GPC6: variants seen among roughly 807,000 people sequenced by gnomAD.
GPC6 encodes glypican-6.
A neutral mutation model predicts 55.2 loss-of-function variants in GPC6; 14 were observed. The ratio of observed to expected loss-of-function variants is 0.25; its 90% CI spans 0.17 to 0.40. The LOEUF (loss-of-function observed/expected upper bound fraction) is 0.40, where lower values mean the gene tolerates loss of function less well. Among genes scored for constraint, GPC6 ranks in the 10% least tolerant of loss-of-function variants. The pLI is 1.00. For synonymous variants in GPC6, 278 were observed against 259.6 expected (o/e 1.07, Z -0.68); for missense variants, 641 against 708.5 (o/e 0.90, Z 1.08).
intron 2 of GPC6, among the ~76,000 whole-genome samples, chr13:93,590,351 A>G (rs1054902372): frequency 6.6e-6 from 1 of 152,122 alleles, no homozygotes; most frequent in Admixed American, 6.6e-5. Flanking sequence ...TCACCTAGAG[A>G]GTTTCCCATT....
At chr13:94,338,211 A>G (rs1242413161) in intron 6 of GPC6, among the ~76,000 whole-genome samples, 1 of 152,194 alleles carries the variant, frequency 6.6e-6, no homozygotes, top group Non-Finnish European at 1.5e-5. Flanking sequence ...CTAATTAGTC[A>G]ATTCCTAGTA....
At chr13:93,678,017 G>A (rs1420875728) in intron 2 of GPC6, among the ~76,000 whole-genome samples, 1 of 152,026 alleles carries the variant, frequency 6.6e-6, no homozygotes, top group Non-Finnish European at 1.5e-5. Flanking sequence ...CCCACCTATG[G>A]TCAAAAATTT....
intron 2 of GPC6, among the ~76,000 whole-genome samples, chr13:93,668,661 C>T (rs146073465): frequency 1.0e-3 from 153 of 152,206 alleles, no homozygotes; most frequent in African/African-American, 3.5e-3. Context: ...CAGCCACAGG[C>T]CAAGCAACCC....
intron 3 of GPC6, among the ~76,000 whole-genome samples, chr13:93,954,138 C>A (rs1879388906): frequency 6.6e-6 from 1 of 152,100 alleles, no homozygotes; most frequent in African/African-American, 2.4e-5. Flanking sequence ...GATCTTTCTT[C>A]TAAATGGAAT....
At chr13:94,062,278 G>A (rs1884358242) in intron 4 of GPC6, among the ~76,000 whole-genome samples, 1 of 151,612 alleles carries the variant, frequency 6.6e-6, no homozygotes, top group Non-Finnish European at 1.5e-5. Context: ...TTGAGACGGA[G>A]TCTTACTCTG....
Position 93,676,127 on chromosome 13 carries a change from ATATATATATATATAT to A in GPC6, c.319+130707_319+130721del, listed in dbSNP as rs1371887031. Among the ~76,000 whole-genome samples, 26 of 10,668 alleles carry A rather than the reference ATATATATATATATAT, an allele frequency of 2.4e-3. 1 individual carries two copies. The highest frequency in any genetic ancestry group is 4.5e-3 in the African/African-American group (24 of 5,324). The allele number at this position is 10,668 out of a possible 152,430, so 7.0% of individuals were successfully genotyped here. ...CTACTAAAAAAAAAAAAAAAAAAAA[ATATATATATATATAT>A]ATATATATATATATATATATATATA... On this transcript the variant is annotated intron_variant, in intron 2 of 8. Transcript: ENST00000377047.
intron 4 of GPC6, among the ~76,000 whole-genome samples, chr13:94,073,583 C>T (rs982135446): frequency 7.2e-5 from 11 of 152,050 alleles, no homozygotes; most frequent in Admixed American, 2.6e-4. Context: ...ACATGAACCT[C>T]GGGTTATAGA....
intron 4 of GPC6, among the ~76,000 whole-genome samples, chr13:94,185,604 G>T (rs1052852925): frequency 1.3e-5 from 2 of 151,600 alleles, no homozygotes; most frequent in African/African-American, 4.9e-5. Context: ...TTCAATATAG[G>T]AATAAAAAGA....
intron 4 of GPC6, among the ~76,000 whole-genome samples, chr13:94,265,529 T>C (rs1352828100): frequency 1.3e-5 from 2 of 152,162 alleles, no homozygotes; most frequent in African/African-American, 2.4e-5. Context: ...ACTCACATGT[T>C]AATATCTTTT....
At chr13:94,396,862 G>A (rs1393130868) in intron 7 of GPC6, among the ~76,000 whole-genome samples, 2 of 152,202 alleles carry the variant, frequency 1.3e-5, no homozygotes, top group Non-Finnish European at 2.9e-5. Context: ...GGGCTCCAGA[G>A]CTAGACTGGG....
At chr13:93,322,607 T>A (rs568141912) in intron 1 of GPC6, among the ~76,000 whole-genome samples, 1 of 151,564 alleles carries the variant, frequency 6.6e-6, no homozygotes, top group South Asian at 2.1e-4. Flanking sequence ...CAGCTAATTT[T>A]TTTTGTATTT....
intron 3 of GPC6, among the ~76,000 whole-genome samples, chr13:93,874,622 G>T (rs572999023): frequency 1.3e-5 from 2 of 149,222 alleles, no homozygotes. Flanking sequence ...GAGCCCTACC[G>T]TAACTCTATA....
intron 4 of GPC6, among the ~76,000 whole-genome samples, chr13:94,196,117 A>G (rs1273692095): frequency 1.3e-5 from 2 of 152,080 alleles, no homozygotes; most frequent in African/African-American, 4.8e-5. Flanking sequence ...CTAGTGAAAT[A>G]GATTTTGTCA....
At chr13:93,879,649 C>G (rs1874831302) in intron 3 of GPC6, among the ~76,000 whole-genome samples, 1 of 150,878 alleles carries the variant, frequency 6.6e-6, no homozygotes, top group African/African-American at 2.4e-5. Flanking sequence ...AGGACATAGG[C>G]ATGGGCAAGG....
At chr13:93,378,727 G>T (rs765173172) in intron 1 of GPC6, among the ~76,000 whole-genome samples, 1 of 152,068 alleles carries the variant, frequency 6.6e-6, no homozygotes, top group African/African-American at 2.4e-5. Flanking sequence ...CGGGCGCGGT[G>T]GCTCACGCTT....
At chr13:93,303,872 A>AT (rs33964040) in intron 1 of GPC6, among the ~76,000 whole-genome samples, 46,589 of 128,912 alleles carry the variant, frequency 0.36, 8,794 homozygotes, top group African/African-American at 0.43. Context: ...TGTAGATACT[A>AT]TTTTTTTTTT....
intron 1 of GPC6, among the ~76,000 whole-genome samples, chr13:93,276,441 A>G (rs1166141000): frequency 6.6e-6 from 1 of 150,478 alleles, no homozygotes; most frequent in South Asian, 2.1e-4. Context: ...AAGAAATGGC[A>G]GAAGCTCTGG....
chr13:93,496,401 C>G (rs563021912), intron 1 of GPC6, among the ~76,000 whole-genome samples: 2 of 152,216 alleles, frequency 1.3e-5, no homozygotes, highest in African/African-American at 4.8e-5. Context: ...CACTGGCCTG[C>G]GCCCACTGTC....
intron 1 of GPC6, among the ~76,000 whole-genome samples, chr13:93,249,305 T>G (rs188617945): frequency 4.6e-5 from 7 of 152,342 alleles, no homozygotes; most frequent in African/African-American, 1.2e-4. Context: ...TACTTTAAAT[T>G]GATTGATTTT....
Sources: allele counts gnomAD v4.1 joint callset (sites outside exome capture counted in the v4.1 genomes callset), GRCh38; gene constraint gnomAD v4.1.1; transcripts MANE v1.5; gene names NCBI Gene and HGNC (gene_info 2026-07-23, HGNC 2026-07-21).